RCL1: variants seen among roughly 807,000 people sequenced by gnomAD.
RCL1 encodes the protein RNA terminal phosphate cyclase like 1.
RCL1 carries 24 observed loss-of-function variants against 42.4 expected under a neutral mutation model. That is an observed-to-expected ratio of 0.57 (90% CI 0.41 to 0.80). RCL1 has a LOEUF of 0.80. RCL1 is among the 30% of genes least tolerant of loss of function. RCL1 has a pLI of 0.00. For synonymous variants in RCL1, 228 were observed against 177.3 expected (o/e 1.29, Z -2.27); for missense variants, 578 against 467.9 (o/e 1.24, Z -2.17).
intron 3 of RCL1, among the ~76,000 whole-genome samples, chr9:4,831,543 C>T (rs1016275868): frequency 2.0e-5 from 3 of 152,176 alleles, no homozygotes; most frequent in East Asian, 1.9e-4. Context: ...GTGGCATGAT[C>T]GTGGCTCACC....
intron 8 of RCL1, among the ~76,000 whole-genome samples, chr9:4,856,907 A>G (rs557684666): frequency 3.8e-4 from 58 of 152,224 alleles, no homozygotes; most frequent in African/African-American, 1.3e-3. Flanking sequence ...CCTTTTCTCC[A>G]TGTAGCTGTT....
chr9:4,841,420 GT>G lies in RCL1; in HGVS notation c.710+65del. ...TTTTCACATGCCTGTTCTAGTTGAA[GT>G]TAAAACTGCCAGCTCTGAGGTTGCG... On this transcript the variant is annotated intron_variant, in intron 6 of 8. Transcript: ENST00000381750. The G allele has an allele frequency of 3.7e-6, 5 of 1,341,312 alleles. No homozygotes were observed. The South Asian group carries it at 6.3e-5, about 17-fold the overall frequency. The allele number at this position is 1,341,312 out of a possible 1,614,324, so 83.1% of individuals were successfully genotyped here. A position where few individuals can be genotyped will look rare whatever the true frequency, so the allele number is the denominator to read the frequency against.
chr9:4,823,934 G>A (rs762894752), intron 2 of RCL1, among the ~76,000 whole-genome samples: 2 of 151,984 alleles, frequency 1.3e-5, no homozygotes, highest in East Asian at 1.9e-4. Context: ...TGTTCCGATG[G>A]AAAGACCCAG....
At chr9:4,815,140 T>G (rs1563835071) in intron 1 of RCL1, among the ~76,000 whole-genome samples, 1 of 152,324 alleles carries the variant, frequency 6.6e-6, no homozygotes, top group East Asian at 1.9e-4. Flanking sequence ...GCTTCCTAGA[T>G]CTGTATGTTC....
chr9:4,793,208 C>T lies in RCL1; in HGVS notation c.117C>T (p.Asp39=), dbSNP rs752653824. The change falls in exon 1 of 9, where the codon GAC becomes GAT. Residue 39 remains aspartate, a synonymous_variant. Coordinates refer to ENST00000381750, the MANE Select transcript of RCL1 (RefSeq NM_005772.5). Reference sequence around the variant, plus strand: ...AAATCCGAAAGATTCGGGCCAGAGACGACAACCCGGGCCTCCGAGGTAACT... The same window carrying T: ...AAATCCGAAAGATTCGGGCCAGAGATGACAACCCGGGCCTCCGAGGTAACT... ...PVKIRKIRAR[D]DNPGLRDFEA... is the part of the protein sequence containing the mutation. 3 of 1,604,218 alleles carry T rather than the reference C, an allele frequency of 1.9e-6. No individual in the cohort carries two copies. In the South Asian group the frequency reaches 3.4e-5, roughly 18 times the overall value.
intron 1 of RCL1, among the ~76,000 whole-genome samples, chr9:4,799,606 G>T (rs1166149218): frequency 1.3e-5 from 2 of 152,028 alleles, no homozygotes; most frequent in Non-Finnish European, 2.9e-5. Flanking sequence ...TTTAATTTCT[G>T]TAATTTTGTC....
chr9:4,845,565 C>A (rs1379519110), intron 7 of RCL1, among the ~76,000 whole-genome samples: 1 of 152,132 alleles, frequency 6.6e-6, no homozygotes. Flanking sequence ...AGATATATTC[C>A]CTGAGATCCC....
intron 1 of RCL1, among the ~76,000 whole-genome samples, chr9:4,806,165 T>C (rs915244536): frequency 6.6e-6 from 1 of 152,054 alleles, no homozygotes; most frequent in African/African-American, 2.4e-5. Context: ...TCTGTGTAGC[T>C]GGTCATGTTG....
At chr9:4,857,007 A>T (rs1448079852) in intron 8 of RCL1, among the ~76,000 whole-genome samples, 2 of 152,246 alleles carry the variant, frequency 1.3e-5, no homozygotes, top group African/African-American at 4.8e-5. Flanking sequence ...GTAGTTTGGT[A>T]TACACCGAGT....
At chr9:4,836,694 C>G (rs938556035) in intron 5 of RCL1, 12 of 151,996 alleles carry the variant, frequency 7.9e-5, no homozygotes, top group African/African-American at 2.7e-4. Context: ...GGAGGTTTGG[C>G]AATGGTATTA....
chr9:4,844,759 C>T (rs1465616340), intron 7 of RCL1, 78 bp downstream of exon 7: 34 of 1,460,068 alleles, frequency 2.3e-5, no homozygotes, highest in East Asian at 2.3e-5. Context: ...TGGCAGCTTT[C>T]GTCCTCTTCC....
chr9:4,812,580 T>C (rs1427366603), intron 1 of RCL1, among the ~76,000 whole-genome samples: 1 of 152,162 alleles, frequency 6.6e-6, no homozygotes, highest in Non-Finnish European at 1.5e-5. Flanking sequence ...GTGTAATGCC[T>C]CTTGCTTTGT....
intron 5 of RCL1, among the ~76,000 whole-genome samples, chr9:4,838,069 A>C (rs140551873): frequency 6.6e-6 from 1 of 152,304 alleles, no homozygotes; most frequent in African/African-American, 2.4e-5. Context: ...GCCTGGGAAA[A>C]AAGAGCTGCC....
intron 1 of RCL1, among the ~76,000 whole-genome samples, chr9:4,798,938 A>G (rs950574009): frequency 6.7e-6 from 1 of 148,822 alleles, no homozygotes; most frequent in African/African-American, 2.5e-5. Flanking sequence ...GTTTTCAGAT[A>G]CAGTGTTGTT....
At chr9:4,830,229 G>A (rs569072693) in intron 3 of RCL1, among the ~76,000 whole-genome samples, 1 of 152,334 alleles carries the variant, frequency 6.6e-6, no homozygotes, top group South Asian at 2.1e-4. Context: ...ACTGAGGAAC[G>A]AGTAGGAACT....
intron 3 of RCL1, among the ~76,000 whole-genome samples, chr9:4,831,036 C>T (rs1293656121): frequency 6.6e-6 from 1 of 152,070 alleles, no homozygotes; most frequent in African/African-American, 2.4e-5. Flanking sequence ...TCTCATTTTA[C>T]GAAGGAGGAA....
intron 1 of RCL1, among the ~76,000 whole-genome samples, chr9:4,811,798 T>A (rs1038328955): frequency 6.6e-6 from 1 of 152,266 alleles, no homozygotes; most frequent in Admixed American, 6.5e-5. Flanking sequence ...ATGGCTATAC[T>A]AATTTACATT....
intron 8 of RCL1, chr9:4,850,241 C>T (rs1817685669): frequency 2.0e-6 from 1 of 511,276 alleles, no homozygotes; most frequent in South Asian, 1.4e-5. Context: ...ATCATATGGC[C>T]CATCTGAGGT....
chr9:4,833,484 C>T (rs763737486), intron 4 of RCL1, among the ~76,000 whole-genome samples: 1 of 152,226 alleles, frequency 6.6e-6, no homozygotes, highest in Non-Finnish European at 1.5e-5. Context: ...CAAATACTAA[C>T]TCCTTTTCTC....
Sources: allele counts gnomAD v4.1 joint callset (sites outside exome capture counted in the v4.1 genomes callset), GRCh38; gene constraint gnomAD v4.1.1; transcripts MANE v1.5; gene names NCBI Gene and HGNC (gene_info 2026-07-23, HGNC 2026-07-21).